The following SMYD3 variants were observed in gnomAD, a reference collection of about 807,000 sequenced individuals.
SMYD3 encodes SET and MYND domain containing 3.
In SMYD3, 36 loss-of-function variants were observed where a neutral mutation model predicts 57.7. That is an observed-to-expected ratio of 0.62 (90% confidence interval 0.48 to 0.82). The LOEUF (loss-of-function observed/expected upper bound fraction) is 0.82. SMYD3 is among the 40% of genes least tolerant of loss of function. The pLI is 0.00. For missense variants in SMYD3, 515 were observed against 538.8 expected (o/e 0.96, Z 0.44); for synonymous variants, 211 against 195.0 (o/e 1.08, Z -0.68).
At chr1:246,432,842 A>C (rs1253196846) in intron 1 of SMYD3, among the ~76,000 whole-genome samples, 1 of 152,162 alleles carries the variant, frequency 6.6e-6, no homozygotes, top group African/African-American at 2.4e-5. Context: ...CACTCCCTCA[A>C]ATTAATTACT....
chr1:246,168,881 C>CA (rs1165265026), intron 5 of SMYD3, among the ~76,000 whole-genome samples: 1 of 152,146 alleles, frequency 6.6e-6, no homozygotes, highest in Non-Finnish European at 1.5e-5. Context: ...TGTCCATGTA[C>CA]AAAGGCCCCT....
chr1:246,099,831 G>C (rs1450485668), intron 5 of SMYD3, among the ~76,000 whole-genome samples: 1 of 152,060 alleles, frequency 6.6e-6, no homozygotes, highest in Non-Finnish European at 1.5e-5. Flanking sequence ...TCCAAAGCCA[G>C]TCTTTTCTGA....
At chr1:245,848,971 T>G (rs950314939) in intron 10 of SMYD3, among the ~76,000 whole-genome samples, 92 of 124,136 alleles carry the variant, frequency 7.4e-4, no homozygotes, top group African/African-American at 2.4e-3. Context: ...TGAAGACAGA[T>G]CCTGGAATTA....
rs528818635 is a variant in SMYD3 at position 245,826,742 on chromosome 1, C to T, written c.1076+31754G>A. 3.9e-4 allele frequency among the ~76,000 whole-genome samples: 60 copies of T among 152,224 alleles called. 1 individual carries two copies. Among genetic ancestry groups the T allele is most frequent in the South Asian group, 6.2e-4 (3 of 4,824 alleles). ...GGAGGCCTCAGGAAACTTAAGATCA[C>T]GGCAAAGGTGAAGGCGAAGTGGAAG... On this transcript the variant is annotated intron_variant, in intron 10 of 11. Transcript: ENST00000490107.
chr1:245,888,267 T>C (rs1419705687), intron 8 of SMYD3, among the ~76,000 whole-genome samples: 2 of 152,218 alleles, frequency 1.3e-5, no homozygotes, highest in Non-Finnish European at 2.9e-5. Context: ...ATATCTATTT[T>C]TCCTGTTTAT....
intron 5 of SMYD3, among the ~76,000 whole-genome samples, chr1:246,185,274 A>G (rs1029257128): frequency 1.3e-5 from 2 of 152,100 alleles, no homozygotes; most frequent in African/African-American, 2.4e-5. Flanking sequence ...GTCTTGCTCT[A>G]TCCCCCAGGC....
intron 5 of SMYD3, chr1:245,930,795 A>G (rs2056668352): frequency 6.6e-6 from 1 of 152,218 alleles, no homozygotes; most frequent in African/African-American, 2.4e-5. Flanking sequence ...AAAAAACCCA[A>G]TGATAGAAAA....
At chr1:245,990,459 A>C (rs898125013) in intron 5 of SMYD3, among the ~76,000 whole-genome samples, 1 of 152,210 alleles carries the variant, frequency 6.6e-6, no homozygotes, top group African/African-American at 2.4e-5. Context: ...TTGGTCACAC[A>C]GCTATCTCGA....
chr1:246,113,570 T>C (rs2061290285), intron 5 of SMYD3: 1 of 152,228 alleles, frequency 6.6e-6, no homozygotes, highest in East Asian at 1.9e-4. Flanking sequence ...TGTGCTGCTT[T>C]TGTTAAAATG....
chr1:245,790,209 C>T (rs2791385), intron 10 of SMYD3, among the ~76,000 whole-genome samples: 6,257 of 152,148 alleles, frequency 0.041, 252 homozygotes, highest in African/African-American at 0.1. Context: ...AAAAATTAGG[C>T]TGATGAAAAA....
intron 10 of SMYD3, among the ~76,000 whole-genome samples, chr1:245,815,307 C>T (rs994733803): frequency 2.0e-5 from 3 of 152,244 alleles, no homozygotes; most frequent in Non-Finnish European, 4.4e-5. Flanking sequence ...TAACTCAACA[C>T]GAAGGAGTCC....
chr1:246,451,686 T>C (rs150347451), intron 1 of SMYD3, among the ~76,000 whole-genome samples: 14 of 152,352 alleles, frequency 9.2e-5, no homozygotes, highest in African/African-American at 3.4e-4. Context: ...AACGTGCCAT[T>C]CTGGCGGGGG....
chr1:246,189,721 C>T (rs2062701380), intron 5 of SMYD3, among the ~76,000 whole-genome samples: 1 of 152,104 alleles, frequency 6.6e-6, no homozygotes, highest in African/African-American at 2.4e-5. Flanking sequence ...AAGAAAGAGA[C>T]CCCCTACGGT....
intron 5 of SMYD3, among the ~76,000 whole-genome samples, chr1:246,092,020 T>TA (rs2060831779): frequency 1.3e-5 from 2 of 152,146 alleles, no homozygotes; most frequent in Admixed American, 6.5e-5. Flanking sequence ...AATTTTTTTT[T>TA]AAAAAGTATA....
At chr1:245,979,991 C>A (rs1421454159) in intron 5 of SMYD3, among the ~76,000 whole-genome samples, 1 of 152,252 alleles carries the variant, frequency 6.6e-6, no homozygotes. Flanking sequence ...GTGGACATCG[C>A]ACGCTAGCCC....
chr1:246,190,862 A>C (rs1441867823), intron 5 of SMYD3, among the ~76,000 whole-genome samples: 1 of 152,138 alleles, frequency 6.6e-6, no homozygotes, highest in Non-Finnish European at 1.5e-5. Flanking sequence ...AGTAGAACAG[A>C]AGAAGGAAAG....
Position 245,858,588 on chromosome 1 carries a change from C to T in SMYD3, c.984G>A (p.Leu328=), listed in dbSNP as rs139154880. The T allele has an allele frequency of 3.1e-6, 5 of 1,614,236 alleles. No individual in the cohort carries two copies. The highest frequency in any genetic ancestry group is 2.2e-5 in the East Asian group (1 of 44,878). The part of the protein sequence containing the change: ...ERLPDINIYQ[L]KVLDCAMDAC... ...CATCCATGGCGCAGTCGAGCACCTT[C>T]AGCTGGTAGATGTTGATATCGGGAA... Residue 328 remains leucine (L), a synonymous_variant, in exon 10 of 12, where the codon CTG becomes CTA. Transcript: ENST00000490107.
chr1:246,242,869 G>A (rs142684547), intron 5 of SMYD3, among the ~76,000 whole-genome samples: 2,099 of 152,138 alleles, frequency 0.014, 44 homozygotes, highest in African/African-American at 0.047. Context: ...ATTACATAAT[G>A]GTAAAGGGAT....
intron 8 of SMYD3, among the ~76,000 whole-genome samples, chr1:245,871,568 A>G (rs570193488): frequency 1.1e-4 from 17 of 152,342 alleles, no homozygotes; most frequent in East Asian, 1.9e-4. Context: ...CTAATTAGCA[A>G]TTAATCAGCA....
Sources: allele counts gnomAD v4.1 joint callset (sites outside exome capture counted in the v4.1 genomes callset), GRCh38; gene constraint gnomAD v4.1.1; transcripts MANE v1.5; gene names NCBI Gene and HGNC (gene_info 2026-07-23, HGNC 2026-07-21).